ENTPD8: variants seen among roughly 807,000 people sequenced by gnomAD.
ENTPD8 encodes the protein E-NTPDase 8.
In ENTPD8, 35 loss-of-function variants were observed where a neutral mutation model predicts 47.0. That is an observed-to-expected ratio of 0.75 (90% confidence interval 0.57 to 0.99). The LOEUF (loss-of-function observed/expected upper bound fraction) is 0.99, where lower values mean the gene tolerates loss of function less well. Among genes scored for constraint, ENTPD8 ranks in the 50% least tolerant of loss-of-function variants. The pLI, the probability that ENTPD8 is intolerant of heterozygous loss-of-function variation, is 0.00. For missense variants in ENTPD8, 668 were observed against 649.9 expected (o/e 1.03, Z -0.30); for synonymous variants, 308 against 290.5 (o/e 1.06, Z -0.61).
rs1468431003 is a variant in ENTPD8 at position 137,438,835 on chromosome 9, G to A, written c.-20-530C>T. Among the ~76,000 whole-genome samples the A allele has an allele frequency of 2.0e-5, 3 of 152,058 alleles. No individual in the cohort carries two copies. Among genetic ancestry groups the A allele is most frequent in the Non-Finnish European group, 2.9e-5 (2 of 67,956 alleles). On this transcript the variant is annotated intron_variant, in intron 1 of 9. Transcript: ENST00000371506. This position sits in a 1 kb window ranked among gnomAD's most constrained non-coding sequence, Gnocchi z 5.7. ...CCAAGTAGCCCCCTCGGACCCCCTC[G>A]GATGGGACTCGCGGAGCTGCCCCCA... is the stretch of plus-strand genomic sequence containing the variant.
chr9:137,439,710 CAG>C lies in ENTPD8; in HGVS notation c.-20-1407_-20-1406del, dbSNP rs1409334124. On this transcript the variant is annotated intron_variant, in intron 1 of 9. Transcript: ENST00000371506. ...CCACCTCATAGGGACAAACAGGTGA[CAG>C]GGGCCAGGAACACAGGGACTCCACA... 2.6e-5 allele frequency among the ~76,000 whole-genome samples: 4 copies of C among 152,060 alleles called. No homozygotes were observed. The East Asian group carries it at 5.8e-4, about 22-fold the overall frequency.
rs1208510979 is a variant in ENTPD8, at chr9:137,437,999, AC to A, written c.211del (p.Val71TrpfsTer39). ...CTGGCAGGCCAGGGCCTGGCTGACC[AC>A]ACCCGTGCCATTCTCCTTGTTCGCC... Reference protein sequence around the residue: ...WLANKENGTGVVSQALACQVE... With the variant: ...WLANKENGTGXVSQALACQVE... On this transcript the variant is annotated frameshift_variant, in exon 3 of 10. Transcript: ENST00000371506. LOFTEE classifies it high-confidence loss of function. The A allele has an allele frequency of 3.1e-6, 5 of 1,612,752 alleles. No individual in the cohort carries two copies. In the East Asian group the frequency reaches 1.1e-4, roughly 36 times the overall value.
chr9:137,434,623 C>G lies in ENTPD8; in HGVS notation c.*291G>C, dbSNP rs983914488. 1.5e-5 allele frequency: 9 copies of G among 587,658 alleles called. No homozygotes were observed. The highest frequency in any genetic ancestry group is 2.3e-5 in the Non-Finnish European group (8 of 340,998). The allele number at this position is 587,658 out of a possible 1,614,324, so 36.4% of individuals were successfully genotyped here. A position where few individuals can be genotyped will look rare whatever the true frequency, so the allele number is the denominator to read the frequency against. ...CCCTGTTTGCAGGCAGCATGTGGCCCTGCAGTCACACAGCCTGGAGACACC... is the reference window on the plus strand; with the variant it reads ...CCCTGTTTGCAGGCAGCATGTGGCCGTGCAGTCACACAGCCTGGAGACACC... On this transcript the variant is annotated 3_prime_UTR_variant, in exon 10 of 10. Coordinates refer to ENST00000371506, the MANE Select transcript of ENTPD8 (RefSeq NM_001033113.2).
At position 137,438,174 on chromosome 9, in the gene ENTPD8, G is replaced by C. The variant is rs746536485; in HGVS notation, c.112C>G (p.Pro38Ala). ...LLVEATSVLLPTDIKFGIVFD... is the reference protein window; with the variant it reads ...LLVEATSVLLATDIKFGIVFD... Reference sequence around the variant, plus strand: ...CGGGGACGCACCTTGATGTCTGTGGGCAGGAGCACGCTGGTGGCCTCCACC... The same window carrying C: ...CGGGGACGCACCTTGATGTCTGTGGCCAGGAGCACGCTGGTGGCCTCCACC... The change falls in exon 2 of 10, where the codon CCC (proline) becomes GCC (alanine). Residue 38 changes from proline (P) to alanine (A), a missense_variant. Pro to Ala is a conservative substitution (Grantham distance 27, BLOSUM62 -1). Coordinates refer to ENST00000371506, the MANE Select transcript of ENTPD8 (RefSeq NM_001033113.2). This position sits in a 1 kb window ranked among gnomAD's most constrained non-coding sequence, Gnocchi z 5.7. 3 of 1,609,174 alleles carry C rather than the reference G, an allele frequency of 1.9e-6. No individual in the cohort carries two copies. Among genetic ancestry groups the C allele is most frequent in the African/African-American group, 2.7e-5 (2 of 74,866 alleles).
At position 137,436,661 on chromosome 9, in the gene ENTPD8, C is replaced by T. The variant is rs199706959; in HGVS notation, c.646G>A (p.Val216Met). 7.3e-4 allele frequency: 1,167 copies of T among 1,600,376 alleles called. 2 individuals carry two copies. Among genetic ancestry groups the T allele is most frequent in the South Asian group, 2.1e-3 (185 of 89,400 alleles). The change falls in exon 6 of 10, where the codon GTG (valine) becomes ATG (methionine). Residue 216 changes from valine (V) to methionine (M), a missense_variant. Transcript: ENST00000371506. Reference sequence around the variant, plus strand: ...TTGTCCAAGATGGGGCCCCCAGGCACGAACGTGATCTGGGTGGAGGCCCCT... The same window carrying T: ...TTGTCCAAGATGGGGCCCCCAGGCATGAACGTGATCTGGGTGGAGGCCCCT... The part of the protein sequence containing the change: ...MGGASTQITF[V>M]PGGPILDKST...
chr9:137,436,548 C>T lies in ENTPD8; in HGVS notation c.759G>A (p.Leu253=), dbSNP rs1330208301. Residue 253 remains leucine (L), a synonymous_variant, in exon 6 of 10, where the codon CTG becomes CTA. Coordinates refer to ENST00000371506, the MANE Select transcript of ENTPD8 (RefSeq NM_001033113.2). ...GTACCAGCCCCACGAGGAGCCTGCT[C>T]AGCATCTGGTCCCGTCCAAAGCACA... ...SYLCFGRDQM[L]SRLLVGLVQS... 1 of 1,611,114 alleles carries T rather than the reference C, an allele frequency of 6.2e-7. No individual in the cohort carries two copies. The highest frequency in any genetic ancestry group is 8.5e-7 in the Non-Finnish European group (1 of 1,179,460).
chr9:137,439,880 G>A (rs1369026759), intron 1 of ENTPD8, among the ~76,000 whole-genome samples: 12 of 124,566 alleles, frequency 9.6e-5, no homozygotes, highest in Non-Finnish European at 2.0e-4. Flanking sequence ...CCAGGAAAGC[G>A]CCCCCCAGAC....
chr9:137,436,464 C>G, intron 6 of ENTPD8, 57 bp downstream of exon 6: 1 of 1,529,744 alleles, frequency 6.5e-7, no homozygotes, highest in Non-Finnish European at 8.9e-7. Context: ...CCACGCCAGC[C>G]CTGTGCCCAT....
intron 1 of ENTPD8, among the ~76,000 whole-genome samples, chr9:137,439,260 G>A (rs1588480436): frequency 6.6e-6 from 1 of 152,244 alleles, no homozygotes; most frequent in East Asian, 1.9e-4. Context: ...TGGCCGAGGT[G>A]TCCACCTCCT....
intron 8 of ENTPD8, 122 bp downstream of exon 8, chr9:137,435,597 G>C: frequency 9.0e-7 from 1 of 1,112,620 alleles, no homozygotes; most frequent in Non-Finnish European, 1.3e-6. Context: ...GCTGTCCTCT[G>C]CCCTTGCCTC....
Position 137,438,805 on chromosome 9 carries a change from A to C in ENTPD8, c.-20-500T>G, listed in dbSNP as rs536042115. Among the ~76,000 whole-genome samples, 114 of 152,164 alleles carry C rather than the reference A, an allele frequency of 7.5e-4. 1 individual carries two copies. Among genetic ancestry groups the C allele is most frequent in the African/African-American group, 2.4e-3 (98 of 41,538 alleles). On this transcript the variant is annotated intron_variant, in intron 1 of 9. Coordinates refer to ENST00000371506, the MANE Select transcript of ENTPD8 (RefSeq NM_001033113.2). This position sits in a 1 kb window ranked among gnomAD's most constrained non-coding sequence, Gnocchi z 5.7. ...CCTCGTCTGGGGACACAGCCCCAGC[A>C]GGATCCAAGTAGCCCCCTCGGACCC...
In ENTPD8 at chr9:137,436,803, C is replaced by G. The variant is rs376653113; in HGVS notation, c.556-52G>C. 1.5e-5 allele frequency: 24 copies of G among 1,602,012 alleles called. No individual in the cohort carries two copies. The East Asian group carries it at 5.2e-4, about 34-fold the overall frequency. ...GGGAGCAGCCACCCGGACCCCGTCC[C>G]GGTCAGCCAGCCCCAGACACCAGCC... On this transcript the variant is annotated intron_variant, in intron 5 of 9. Transcript: ENST00000371506.
In ENTPD8 at chr9:137,434,369, T is replaced by C; in HGVS notation, c.*545A>G. ...AGGGAGATCAGCCCTAATGATGCTG[T>C]GTCCATGATGCTTTTAATAAAAACA... On this transcript the variant is annotated 3_prime_UTR_variant, in exon 10 of 10. Transcript: ENST00000371506. The C allele has an allele frequency of 9.6e-6, 15 of 1,562,416 alleles. No individual in the cohort carries two copies. Among genetic ancestry groups the C allele is most frequent in the Non-Finnish European group, 1.3e-5 (15 of 1,152,958 alleles).
In ENTPD8 at chr9:137,434,702, T is replaced by C. The variant is rs1588474140; in HGVS notation, c.*212A>G. On this transcript the variant is annotated 3_prime_UTR_variant, in exon 10 of 10. Transcript: ENST00000371506. Reference sequence around the variant, plus strand: ...GGCACCTACGGCCCTGGAAGCCCAGTTGCGGAAGGAGGTTGGGGGAGGGAC... The same window carrying C: ...GGCACCTACGGCCCTGGAAGCCCAGCTGCGGAAGGAGGTTGGGGGAGGGAC... The C allele has an allele frequency of 4.5e-6, 3 of 668,648 alleles. No homozygotes were observed. The highest frequency in any genetic ancestry group is 7.3e-6 in the Non-Finnish European group (3 of 408,674). The allele number at this position is 668,648 out of a possible 1,614,324, so 41.4% of individuals were successfully genotyped here.
rs1839427635 is a variant in ENTPD8, at chr9:137,438,373, G to C, written c.-20-68C>G. ...CCCCATCCCGCCCTCCAGAGGCAGA[G>C]GCTTCGCTCCCCGTCTCCCTGGAGA... is the stretch of plus-strand genomic sequence containing the variant. On this transcript the variant is annotated intron_variant, in intron 1 of 9. Transcript: ENST00000371506. The surrounding 1 kb of genome is among the most constrained non-coding windows in gnomAD (Gnocchi z 5.7). 1.1e-5 allele frequency: 15 copies of C among 1,425,870 alleles called. 1 individual carries two copies. Among genetic ancestry groups the C allele is most frequent in the South Asian group, 4.4e-5 (3 of 68,340 alleles). The allele number at this position is 1,425,870 out of a possible 1,614,324, so 88.3% of individuals were successfully genotyped here.
intron 8 of ENTPD8, 116 bp from the exon 9 acceptor site, chr9:137,435,454 G>A: frequency 6.9e-7 from 1 of 1,458,524 alleles, no homozygotes; most frequent in South Asian, 1.4e-5. Flanking sequence ...GTGCCGGGCA[G>A]TGGTAGAGAG....
intron 6 of ENTPD8, 104 bp from the exon 7 acceptor site, chr9:137,436,380 G>A (rs59054588): frequency 2.0e-5 from 25 of 1,237,598 alleles, no homozygotes; most frequent in Middle Eastern, 3.0e-4. Context: ...TACCCTGTGC[G>A]CCCTCCCCGG....
intron 6 of ENTPD8, 40 bp downstream of exon 6, chr9:137,436,481 G>A (rs1232477439): frequency 6.4e-7 from 1 of 1,556,402 alleles, no homozygotes; most frequent in Non-Finnish European, 8.7e-7. Flanking sequence ...CCATAGCCCT[G>A]TTCCCACAGC....
Position 137,436,343 on chromosome 9 carries a change from G to A in ENTPD8, c.787-67C>T, listed in dbSNP as rs969355983. ...CGGCCCTGTGCCCCTCCCCGGGGCC[G>A]GATGACCCACGCCAGCCCCGCGCCC... On this transcript the variant is annotated intron_variant, in intron 6 of 9. Transcript: ENST00000371506. 5.5e-6 allele frequency: 8 copies of A among 1,454,278 alleles called. No individual in the cohort carries two copies. The East Asian group carries it at 1.8e-4, about 32-fold the overall frequency. 90.1% of individuals were successfully genotyped at this position (1,454,278 alleles called of 1,614,324 possible).
Sources: allele counts gnomAD v4.1 joint callset (sites outside exome capture counted in the v4.1 genomes callset), GRCh38; gene constraint gnomAD v4.1.1; non-coding constraint Gnocchi (gnomAD v3.1); transcripts MANE v1.5; gene names NCBI Gene and HGNC (gene_info 2026-07-23, HGNC 2026-07-21).